The following ATP11C variants were observed in gnomAD, a reference collection of about 807,000 sequenced individuals.
ATP11C encodes ATPase phospholipid transporting 11C (ATP11C blood group).
ATP11C carries 36 observed loss-of-function variants against 97.4 expected under a neutral mutation model. That is an observed-to-expected ratio of 0.37 (90% CI 0.28 to 0.49). ATP11C has a LOEUF of 0.49. Ranked by LOEUF, ATP11C falls within the 20% of genes least tolerant of loss-of-function variation. The probability of loss-of-function intolerance (pLI) is 0.98; values close to 1 mark genes in which losing one functional copy is unlikely to be tolerated. For synonymous variants in ATP11C, 275 were observed against 290.9 expected (o/e 0.95, Z 0.56); for missense variants, 730 against 824.6 (o/e 0.89, Z 1.40).
chrX:139,897,361 T>G (rs1021910129), intron 1 of ATP11C, among the ~76,000 whole-genome samples: 15 of 111,381 alleles, frequency 1.3e-4, no homozygotes, highest in African/African-American at 4.9e-4. Context: ...CCAAAACTAC[T>G]AACAATATAC....
intron 3 of ATP11C, 41 bp from the exon 4 acceptor site, chrX:139,816,984 G>T (rs759672277): frequency 3.2e-5 from 30 of 948,022 alleles, no homozygotes; most frequent in Non-Finnish European, 4.3e-5. Context: ...ATGAAAATTT[G>T]TCATTAACTC....
At chrX:139,781,217 A>C (rs2082449644) in intron 18 of ATP11C, among the ~76,000 whole-genome samples, 1 of 112,385 alleles carries the variant, frequency 8.9e-6, no homozygotes, top group Non-Finnish European at 1.9e-5. Flanking sequence ...ATTAGACTAA[A>C]GGAATTTCAT....
intron 24 of ATP11C, among the ~76,000 whole-genome samples, chrX:139,748,956 T>G (rs887428761): frequency 6.3e-5 from 7 of 111,783 alleles, no homozygotes; most frequent in African/African-American, 2.3e-4. Flanking sequence ...ACTTAAGTGA[T>G]AGGGTATTAT....
chrX:139,871,062 C>CAAAAAAAA (rs142699531), intron 1 of ATP11C, among the ~76,000 whole-genome samples: 1 of 38,810 alleles, frequency 2.6e-5, no homozygotes, highest in Admixed American at 3.1e-4. Flanking sequence ...GACTCCGTCT[C>CAAAAAAAA]AAAAAAAAAA....
chrX:139,835,770 T>C (rs1456381529), intron 1 of ATP11C, among the ~76,000 whole-genome samples: 1 of 105,876 alleles, frequency 9.4e-6, no homozygotes, highest in East Asian at 3.2e-4. Flanking sequence ...GGCTCACACC[T>C]ATAATCCTAG....
intron 21 of ATP11C, among the ~76,000 whole-genome samples, chrX:139,762,704 A>G (rs936692287): frequency 3.6e-5 from 4 of 111,479 alleles, no homozygotes; most frequent in Non-Finnish European, 5.6e-5. Flanking sequence ...TATGAATTCC[A>G]TATCTGGCCC....
intron 12 of ATP11C, among the ~76,000 whole-genome samples, chrX:139,794,169 T>C (rs993098778): frequency 8.9e-6 from 1 of 112,372 alleles, no homozygotes; most frequent in African/African-American, 3.2e-5. Context: ...GTCTACTTCC[T>C]TTTGTTTCTC....
At position 139,820,848 on chromosome X, in the gene ATP11C, T is replaced by G. The variant is rs1033143330; in HGVS notation, c.148-1421A>C. 2.7e-5 allele frequency among the ~76,000 whole-genome samples: 3 copies of G among 111,396 alleles called. No homozygotes were observed. In the Admixed American group the frequency reaches 2.9e-4, roughly 11 times the overall value. ...AGACCAGAAACTAGAAAGAAAGAAA[T>G]GTTTCTTAACCTAAAAAGCTAAATT... On this transcript the variant is annotated intron_variant, in intron 2 of 29. Transcript: ENST00000682941.
In ATP11C at chrX:139,782,741, T is replaced by C; in HGVS notation, c.1771-13A>G. The C allele has an allele frequency of 1.1e-5, 12 of 1,117,422 alleles. No individual in the cohort carries two copies. The highest frequency in any genetic ancestry group is 1.9e-5 in the African/African-American group (1 of 53,775). 92.1% of individuals were successfully genotyped at this position (1,117,422 alleles called of 1,213,427 possible). A position where few individuals can be genotyped will look rare whatever the true frequency, so the allele number is the denominator to read the frequency against. ...TCCGATACCCATCCTAGGAGTAAAG[T>C]AGGAGATCTGTAGTTATTCTAATAA... On this transcript the variant is annotated splice_polypyrimidine_tract_variant and intron_variant, in intron 17 of 29. Transcript: ENST00000682941.
intron 8 of ATP11C, among the ~76,000 whole-genome samples, 170 bp downstream of exon 8, chrX:139,799,890 G>A (rs948404352): frequency 5.5e-5 from 6 of 109,448 alleles, no homozygotes; most frequent in African/African-American, 2.0e-4. Context: ...GACCTCAGGT[G>A]ATCCACCCAC....
At chrX:139,933,949 T>G (rs1248124261), upstream of ATP11C, among the ~76,000 whole-genome samples, 1 of 110,760 alleles carries the variant, frequency 9.0e-6, no homozygotes, top group Non-Finnish European at 1.9e-5. Context: ...ATAGCTAGAG[T>G]TCAAAGTGCT....
intron 1 of ATP11C, among the ~76,000 whole-genome samples, chrX:139,901,756 T>A (rs2084903086): frequency 9.0e-6 from 1 of 111,539 alleles, no homozygotes; most frequent in Non-Finnish European, 1.9e-5. Flanking sequence ...TAGCAAGATA[T>A]CCTTAGTGTA....
intron 20 of ATP11C, among the ~76,000 whole-genome samples, chrX:139,766,963 T>G (rs1019315967): frequency 3.6e-5 from 4 of 111,232 alleles, no homozygotes; most frequent in African/African-American, 1.3e-4. Context: ...TTTTGAAAGT[T>G]GCCCTGAGCA....
intron 19 of ATP11C, among the ~76,000 whole-genome samples, chrX:139,770,630 T>C (rs776975885): frequency 8.2e-5 from 9 of 109,589 alleles, no homozygotes; most frequent in Non-Finnish European, 1.3e-4. Flanking sequence ...GGTATGAATA[T>C]GGCTTGGGGG....
chrX:139,800,724 C>T lies in ATP11C; in HGVS notation c.660-614G>A, dbSNP rs761833828. ...ACTTGTAGTTGATCTCAATACTGAGCTTGACCCAATCACTTAATATAATAG... is the reference window on the plus strand; with the variant it reads ...ACTTGTAGTTGATCTCAATACTGAGTTTGACCCAATCACTTAATATAATAG... On this transcript the variant is annotated intron_variant, in intron 7 of 29. Coordinates refer to ENST00000682941, the MANE Select transcript of ATP11C (RefSeq NM_001353812.2). Among the ~76,000 whole-genome samples the T allele has an allele frequency of 1.8e-5, 2 of 111,940 alleles. 1 individual carries two copies. The highest frequency in any genetic ancestry group is 7.5e-4 in the South Asian group (2 of 2,676).
chrX:139,853,833 CAAAAAAAAAAAAAAAA>C (rs934664774), intron 1 of ATP11C, among the ~76,000 whole-genome samples: 10 of 21,270 alleles, frequency 4.7e-4, no homozygotes, highest in African/African-American at 1.7e-3. Flanking sequence ...TATCCTAAGT[CAAAAAAAAAAAAAAAA>C]AAAAAAAAAA....
At chrX:139,798,603 C>T (rs1970379822) in intron 9 of ATP11C, 76 bp downstream of exon 9, 4 of 847,681 alleles carry the variant, frequency 4.7e-6, no homozygotes, top group Non-Finnish European at 6.8e-6. Flanking sequence ...GCCATGTTTA[C>T]TTTTTAATAT....
At chrX:139,899,260 C>A (rs993823731) in intron 1 of ATP11C, among the ~76,000 whole-genome samples, 4 of 110,794 alleles carry the variant, frequency 3.6e-5, no homozygotes, top group African/African-American at 1.3e-4. Flanking sequence ...GCAGGGGGAT[C>A]ACTTGAGATC....
intron 26 of ATP11C, among the ~76,000 whole-genome samples, chrX:139,742,871 AAAAAAAT>A (rs2081588485): frequency 2.7e-4 from 6 of 22,373 alleles, no homozygotes; most frequent in African/African-American, 8.0e-4. Context: ...AATTAAAAAA[AAAAAAAT>A]ATATATATAT....
Sources: allele counts gnomAD v4.1 joint callset (sites outside exome capture counted in the v4.1 genomes callset), GRCh38; gene constraint gnomAD v4.1.1; transcripts MANE v1.5; gene names NCBI Gene and HGNC (gene_info 2026-07-23, HGNC 2026-07-21).